The following MPV17 variants were observed in gnomAD, a reference collection of about 807,000 sequenced individuals.
MPV17 encodes the protein mitochondrial inner membrane protein MPV17, also known as MPV17, mitochondrial inner membrane protein.
In MPV17, 31 loss-of-function variants were observed where a neutral mutation model predicts 28.6. That is an observed-to-expected ratio of 1.08 (90% CI 0.81 to 1.46). MPV17 has a LOEUF of 1.46. Ranked by LOEUF, MPV17 falls within the 40% of genes most tolerant of loss-of-function variation. MPV17 has a pLI of 0.00. For synonymous variants in MPV17, 87 were observed against 85.3 expected, an observed-to-expected ratio of 1.02 and a Z score of -0.11; for missense variants, 198 against 216.2, an observed-to-expected ratio of 0.92 and a Z score of 0.53.
rs1311953045 is a variant in MPV17 at position 27,322,536 on chromosome 2, A to T, written c.-5-14T>A. ...GTGCCATGCTTCCTGTCAAGCCAAG[A>T]GGAGAGGGGGTCACCCCCACCGTCC... On this transcript the variant is annotated splice_polypyrimidine_tract_variant and intron_variant, in intron 1 of 7. Transcript: ENST00000380044. The T allele has an allele frequency of 6.2e-7, 1 of 1,612,256 alleles. No individual in the cohort carries two copies. The highest frequency in any genetic ancestry group is 8.5e-7 in the Non-Finnish European group (1 of 1,178,826).
Position 27,317,228 on chromosome 2 carries a change from C to T in MPV17, c.71-4119G>A, listed in dbSNP as rs1572549271. Reference sequence around the variant, plus strand: ...GGGCCAGCAGTGCTGCCTTCCTCCCCAGAAGTCTGCAAACATTAGTTAGCT... The same window carrying T: ...GGGCCAGCAGTGCTGCCTTCCTCCCTAGAAGTCTGCAAACATTAGTTAGCT... On this transcript the variant is annotated intron_variant, in intron 2 of 7. Coordinates refer to ENST00000380044, the MANE Select transcript of MPV17 (RefSeq NM_002437.5). This position sits in a 1 kb window ranked among gnomAD's most constrained non-coding sequence, Gnocchi z 4.0. The T allele has an allele frequency of 1.9e-6, 3 of 1,544,722 alleles. No homozygotes were observed. The highest frequency in any genetic ancestry group is 8.7e-7 in the Non-Finnish European group (1 of 1,144,292).
At chr2:27,310,483 G>C (rs1263323470) in intron 7 of MPV17, among the ~76,000 whole-genome samples, 1 of 152,198 alleles carries the variant, frequency 6.6e-6, no homozygotes, top group East Asian at 1.9e-4. Context: ...TCTGTTTCCT[G>C]GCTGAGAGCC....
intron 2 of MPV17, 131 bp downstream of exon 2, chr2:27,322,317 T>C (rs1419934810): frequency 2.0e-5 from 17 of 844,962 alleles, no homozygotes; most frequent in Non-Finnish European, 2.6e-5. Context: ...GGGGACAGTG[T>C]AGGATGAAAG....
chr2:27,321,579 C>T (rs1437577337), intron 2 of MPV17, among the ~76,000 whole-genome samples: 2 of 152,124 alleles, frequency 1.3e-5, no homozygotes, highest in Non-Finnish European at 2.9e-5. Context: ...CTCTTTGCAC[C>T]CCAATGTTCT....
At position 27,317,029 on chromosome 2, in the gene MPV17, C is replaced by T; in HGVS notation, c.71-3920G>A. On this transcript the variant is annotated intron_variant, in intron 2 of 7. Coordinates refer to ENST00000380044, the MANE Select transcript of MPV17 (RefSeq NM_002437.5). This position sits in a 1 kb window ranked among gnomAD's most constrained non-coding sequence, Gnocchi z 4.0. ...CCAACTTCCACACCCTCTTCCCGGG[C>T]ATGGGCAGGGTAAATTCCCTACTTC... 6.7e-7 allele frequency: 1 copy of T among 1,489,170 alleles called. No homozygotes were observed. Among genetic ancestry groups the T allele is most frequent in the East Asian group, 2.5e-5 (1 of 40,290 alleles). 92.2% of individuals were successfully genotyped at this position (1,489,170 alleles called of 1,614,324 possible). A position where few individuals can be genotyped will look rare whatever the true frequency, so the allele number is the denominator to read the frequency against.
chr2:27,315,550 A>G (rs556275672), intron 2 of MPV17, among the ~76,000 whole-genome samples: 19 of 152,328 alleles, frequency 1.2e-4, no homozygotes, highest in Admixed American at 1.1e-3. Flanking sequence ...ACCTCCATTC[A>G]TCCATTCATT....
In MPV17 at chr2:27,309,866, G is replaced by A; in HGVS notation, c.*46C>T. On this transcript the variant is annotated 3_prime_UTR_variant, in exon 8 of 8. Transcript: ENST00000380044. Reference sequence around the variant, plus strand: ...GAGGAGGTTGTCTGACCGTTCCAGGGTCAAGCTGCATCACTGCAAGGTGGA... The same window carrying A: ...GAGGAGGTTGTCTGACCGTTCCAGGATCAAGCTGCATCACTGCAAGGTGGA... The A allele has an allele frequency of 6.5e-7, 1 of 1,539,234 alleles. No homozygotes were observed. Among genetic ancestry groups the A allele is most frequent in the Non-Finnish European group, 9.0e-7 (1 of 1,112,286 alleles).
chr2:27,312,307 G>T, intron 5 of MPV17, 61 bp from the exon 6 acceptor site: 1 of 1,562,552 alleles, frequency 6.4e-7, no homozygotes, highest in Non-Finnish European at 8.8e-7. Flanking sequence ...CCACTTCCCA[G>T]TATGAATGTC....
At chr2:27,320,201 C>T (rs1259860517) in intron 2 of MPV17, among the ~76,000 whole-genome samples, 3 of 150,988 alleles carry the variant, frequency 2.0e-5, no homozygotes, top group Non-Finnish European at 4.4e-5. Flanking sequence ...CACGCCACCG[C>T]ACTCCAGCCC....
At position 27,312,489 on chromosome 2, in the gene MPV17, C is replaced by A; in HGVS notation, c.375+5G>T. 1 of 1,613,940 alleles carries A rather than the reference C, an allele frequency of 6.2e-7. No homozygotes were observed. The highest frequency in any genetic ancestry group is 8.5e-7 in the Non-Finnish European group (1 of 1,179,776). On this transcript the variant is annotated splice_donor_5th_base_variant and intron_variant, in intron 5 of 7. Transcript: ENST00000380044. ...AGAGACATTCTCCACACCTGCCCAG[C>A]TCACCCGCTGTAGTTTGGCCCAGTT...
chr2:27,311,692 A>G (rs1298122504), intron 7 of MPV17: 1 of 1,551,148 alleles, frequency 6.4e-7, no homozygotes, highest in South Asian at 1.2e-5. Context: ...GGAGATGAAG[A>G]AGGTCAGTGG....
At position 27,309,681 on chromosome 2, in the gene MPV17, A is replaced by C; in HGVS notation, c.*231T>G. The C allele has an allele frequency of 3.2e-6, 2 of 620,840 alleles. No individual in the cohort carries two copies. The highest frequency in any genetic ancestry group is 5.8e-6 in the Non-Finnish European group (2 of 342,746). The allele number at this position is 620,840 out of a possible 1,614,324, so 38.5% of individuals were successfully genotyped here. ...TGATAAGGTCATGAAGGTTCAACAG[A>C]TATTTATGGAGTGCCTAGTATGTGG... On this transcript the variant is annotated 3_prime_UTR_variant, in exon 8 of 8. Coordinates refer to ENST00000380044, the MANE Select transcript of MPV17 (RefSeq NM_002437.5).
In MPV17 at chr2:27,312,643, A is replaced by G. The variant is rs775407008; in HGVS notation, c.279+37T>C. 6.6e-5 allele frequency: 107 copies of G among 1,612,796 alleles called. 2 individuals carry two copies. The South Asian group carries it at 1.1e-3, about 17-fold the overall frequency. On this transcript the variant is annotated intron_variant, in intron 4 of 7. Coordinates refer to ENST00000380044, the MANE Select transcript of MPV17 (RefSeq NM_002437.5). ...GTGCTGAAATCCCCACCTACCCCCA[A>G]CACAGCTCACCCTCCCCACTCTGTT...
intron 2 of MPV17, among the ~76,000 whole-genome samples, chr2:27,314,449 C>A (rs1679575172): frequency 6.6e-6 from 1 of 152,158 alleles, no homozygotes; most frequent in Admixed American, 6.5e-5. Flanking sequence ...TCAGCTAAAC[C>A]AAGATTTCCC....
rs1679498066 is a variant in MPV17, at chr2:27,312,695, C to T, written c.264G>A (p.Lys88=). ...PGTTKVDALK[K]MLLDQGGFAP... ...TCCTGCTCACCTGATCCAACAACAT[C>T]TTCTTCAGTGCATCCACTTTGGTGG... Residue 88 remains lysine, a synonymous_variant, in exon 4 of 8, where the codon AAG becomes AAA. Transcript: ENST00000380044. The T allele has an allele frequency of 1.9e-6, 3 of 1,614,078 alleles. No homozygotes were observed. Among genetic ancestry groups the T allele is most frequent in the Non-Finnish European group, 2.5e-6 (3 of 1,180,016 alleles).
chr2:27,322,532 CAAGAGGA>C lies in MPV17; in HGVS notation c.-5-17_-5-11del. Reference sequence around the variant, plus strand: ...CAGAGTGCCATGCTTCCTGTCAAGCCAAGAGGAGAGGGGGTCACCCCCACCGTCCCTC... The same window carrying C: ...CAGAGTGCCATGCTTCCTGTCAAGCCGAGGGGGTCACCCCCACCGTCCCTC... On this transcript the variant is annotated splice_polypyrimidine_tract_variant and intron_variant, in intron 1 of 7. Transcript: ENST00000380044. 6.2e-7 allele frequency: 1 copy of C among 1,613,410 alleles called. No individual in the cohort carries two copies. The highest frequency in any genetic ancestry group is 8.5e-7 in the Non-Finnish European group (1 of 1,179,642).
Position 27,312,576 on chromosome 2 carries a change from G to T in MPV17, c.293C>A (p.Pro98Gln), listed in dbSNP as rs267607258. 2 of 1,613,968 alleles carry T rather than the reference G, an allele frequency of 1.2e-6. No individual in the cohort carries two copies. Among genetic ancestry groups the T allele is most frequent in the African/African-American group, 2.7e-5 (2 of 74,920 alleles). Reference sequence around the variant, plus strand: ...TGGGAGAAAGCAGCCTAGAAAACACGGGGCAAAGCCCCCCTAGGGAAGAGA... The same window carrying T: ...TGGGAGAAAGCAGCCTAGAAAACACTGGGCAAAGCCCCCCTAGGGAAGAGA... ...KMLLDQGGFA[P>Q]CFLGCFLPLV... Residue 98 changes from proline to glutamine, a missense_variant, in exon 5 of 8, where the codon CCG becomes CAG. By Grantham distance (76) the Pro-to-Gln change is moderately conservative (BLOSUM62 -1). Transcript: ENST00000380044.
chr2:27,310,870 G>A (rs1254940250), intron 7 of MPV17, among the ~76,000 whole-genome samples: 7 of 151,514 alleles, frequency 4.6e-5, no homozygotes, highest in Admixed American at 2.6e-4. Context: ...TCAGCCTCCC[G>A]AGTAGCTGGG....
At chr2:27,322,139 C>T (rs1679882895) in intron 2 of MPV17, 6 of 464,078 alleles carry the variant, frequency 1.3e-5, no homozygotes, top group Admixed American at 1.1e-4. Context: ...GCTTTGCATA[C>T]GGTAAAATGT....
Sources: gnomAD v4.1 joint callset for allele counts (sites outside exome capture counted in the v4.1 genomes callset) on GRCh38, gnomAD v4.1.1 for gene constraint, Gnocchi (gnomAD v3.1) non-coding constraint, MANE v1.5 for transcripts, NCBI Gene and HGNC (gene_info 2026-07-23, HGNC 2026-07-21) for gene names.